MTARC1: variants seen among roughly 807,000 people sequenced by gnomAD.
MTARC1 encodes mitochondrial amidoxime-reducing component 1.
A neutral mutation model predicts 33.6 loss-of-function variants in MTARC1; 24 were observed. The ratio of observed to expected loss-of-function variants is 0.72; its 90% confidence interval spans 0.52 to 1.01. The LOEUF is 1.01. MTARC1 is among the 50% of genes least tolerant of loss of function. The pLI, the probability that MTARC1 is intolerant of heterozygous loss-of-function variation, is 0.00. For missense variants in MTARC1, 417 were observed against 445.7 expected, an observed-to-expected ratio of 0.94 and a Z score of 0.58; for synonymous variants, 187 against 189.5, an observed-to-expected ratio of 0.99 and a Z score of 0.11.
chr1:220,786,913 C>A lies in MTARC1; in HGVS notation c.-32C>A. 8.1e-7 allele frequency: 1 copy of A among 1,228,250 alleles called. No individual in the cohort carries two copies. Among genetic ancestry groups the A allele is most frequent in the Non-Finnish European group, 1.0e-6 (1 of 986,932 alleles). 76.1% of individuals were successfully genotyped at this position (1,228,250 alleles called of 1,614,324 possible). A position where few individuals can be genotyped will look rare whatever the true frequency, so the allele number is the denominator to read the frequency against. On this transcript the variant is annotated 5_prime_UTR_variant, in exon 1 of 7. Coordinates refer to ENST00000366910, the MANE Select transcript of MTARC1 (RefSeq NM_022746.4). ...CCCCGGGCGACCAGCGCGCTCCGGCCTTGCCGCCGCCACCTCGCGGAGAAG... is the reference window on the plus strand; with the variant it reads ...CCCCGGGCGACCAGCGCGCTCCGGCATTGCCGCCGCCACCTCGCGGAGAAG...
chr1:220,808,573 G>C (rs893633281), intron 6 of MTARC1, among the ~76,000 whole-genome samples: 4 of 152,216 alleles, frequency 2.6e-5, no homozygotes, highest in Non-Finnish European at 5.9e-5. Flanking sequence ...TGGGCAGGTT[G>C]CTCAGAGCTA....
chr1:220,787,409 G>A (rs898405266), intron 1 of MTARC1, among the ~76,000 whole-genome samples, 190 bp downstream of exon 1: 4 of 152,174 alleles, frequency 2.6e-5, no homozygotes, highest in Non-Finnish European at 5.9e-5. Context: ...AGACCCCAGG[G>A]CTCTGGGACT....
intron 4 of MTARC1, among the ~76,000 whole-genome samples, chr1:220,800,480 C>G (rs917400433): frequency 6.6e-6 from 1 of 152,226 alleles, no homozygotes; most frequent in Non-Finnish European, 1.5e-5. Context: ...GGGGACGTGA[C>G]TAACACCTGC....
rs564391359 is a variant in MTARC1 at position 220,817,982 on chromosome 1, T to A, written c.*4564T>A. ...AGTCCTATGGCCCTGACTCTATCTATGTCTGCACAAAGCACTACTGTGCTT... is the reference window on the plus strand; with the variant it reads ...AGTCCTATGGCCCTGACTCTATCTAAGTCTGCACAAAGCACTACTGTGCTT... On this transcript the variant is annotated 3_prime_UTR_variant, in exon 7 of 7. Transcript: ENST00000366910. 1 of 152,198 alleles carries A rather than the reference T, an allele frequency of 6.6e-6. No individual in the cohort carries two copies. The highest frequency in any genetic ancestry group is 2.4e-5 in the African/African-American group (1 of 41,442). 9.4% of individuals were successfully genotyped at this position (152,198 alleles called of 1,614,324 possible). A position where few individuals can be genotyped will look rare whatever the true frequency, so the allele number is the denominator to read the frequency against.
rs183692841 is a variant in MTARC1 at position 220,812,544 on chromosome 1, G to A, written c.888-748G>A. Among the ~76,000 whole-genome samples, 47 of 152,328 alleles carry A rather than the reference G, an allele frequency of 3.1e-4. No homozygotes were observed. The East Asian group carries it at 4.1e-3, about 13-fold the overall frequency. On this transcript the variant is annotated intron_variant, in intron 6 of 6. Transcript: ENST00000366910. ...CAAGTCAAATGATGTTGTACAGGAAGAACCTTGGAACTCGGCAGCTGCGGA... is the reference window on the plus strand; with the variant it reads ...CAAGTCAAATGATGTTGTACAGGAAAAACCTTGGAACTCGGCAGCTGCGGA...
At chr1:220,803,916 A>G (rs1366630287) in intron 4 of MTARC1, among the ~76,000 whole-genome samples, 3 of 152,166 alleles carry the variant, frequency 2.0e-5, no homozygotes, top group Non-Finnish European at 2.9e-5. Context: ...CTTGAGATCC[A>G]TTTTATGATT....
chr1:220,796,955 T>A (rs2270534), intron 3 of MTARC1, 150 bp downstream of exon 3: 10,220 of 832,714 alleles, frequency 0.012, 188 homozygotes, highest in East Asian at 0.053. Context: ...ATAAAGCCCT[T>A]CCCTTGGAAG....
intron 6 of MTARC1, chr1:220,808,883 C>T (rs1460357133): frequency 1.1e-5 from 5 of 470,964 alleles, no homozygotes; most frequent in Non-Finnish European, 2.2e-5. Context: ...ACACTGATCC[C>T]CATGGTTGAA....
At chr1:220,813,220 A>T (rs950346588) in intron 6 of MTARC1, 72 bp from the exon 7 acceptor site, 1 of 1,607,320 alleles carries the variant, frequency 6.2e-7, no homozygotes, top group African/African-American at 1.3e-5. Context: ...CCTGTGTGGG[A>T]TGGAAGCCAC....
chr1:220,797,074 A>G (rs1010146135), intron 3 of MTARC1, among the ~76,000 whole-genome samples: 1 of 152,156 alleles, frequency 6.6e-6, no homozygotes, highest in African/African-American at 2.4e-5. Context: ...ACTGTTCTGC[A>G]CCAGTGTCTT....
Position 220,787,063 on chromosome 1 carries a change from G to C in MTARC1, c.119G>C (p.Trp40Ser). 1 of 1,437,638 alleles carries C rather than the reference G, an allele frequency of 7.0e-7. No individual in the cohort carries two copies. Among genetic ancestry groups the C allele is most frequent in the Non-Finnish European group, 9.0e-7 (1 of 1,104,978 alleles). The allele number at this position is 1,437,638 out of a possible 1,614,324, so 89.1% of individuals were successfully genotyped here. A position where few individuals can be genotyped will look rare whatever the true frequency, so the allele number is the denominator to read the frequency against. The change falls in exon 1 of 7, where the codon TGG (tryptophan) becomes TCG (serine). Residue 40 changes from tryptophan (W) to serine (S), a missense_variant. Physicochemically the swap from Trp to Ser is radical, Grantham distance 177. Transcript: ENST00000366910. The stretch of plus-strand genomic sequence containing the variant: ...GCGGTGGCGCTGGGGGCTGTCGCCT[G>C]GCGCCGCGCATGGCCCACGCGGCGC... ...LTAVALGAVA[W>S]RRAWPTRRRR...
In MTARC1 at chr1:220,814,235, T is replaced by C. The variant is rs1401042043; in HGVS notation, c.*817T>C. The C allele has an allele frequency of 6.6e-6, 1 of 152,260 alleles. No homozygotes were observed. The highest frequency in any genetic ancestry group is 1.5e-5 in the Non-Finnish European group (1 of 68,052). The allele number at this position is 152,260 out of a possible 1,614,324, so 9.4% of individuals were successfully genotyped here. On this transcript the variant is annotated 3_prime_UTR_variant, in exon 7 of 7. Transcript: ENST00000366910. ...GGAAAAGGAAAGCATATGTCAGTTG[T>C]TTAAAACCCAATATCTATTTTTTAA...
At chr1:220,787,441 C>T (rs1489028577) in intron 1 of MTARC1, among the ~76,000 whole-genome samples, 2 of 152,164 alleles carry the variant, frequency 1.3e-5, no homozygotes, top group South Asian at 2.1e-4. Context: ...GACCCGTTTT[C>T]CCGGGGTGGG....
At chr1:220,810,660 T>C (rs886104986) in intron 6 of MTARC1, among the ~76,000 whole-genome samples, 14 of 149,560 alleles carry the variant, frequency 9.4e-5, no homozygotes, top group Non-Finnish European at 1.9e-4. Context: ...GGTGGGGGAG[T>C]GAGTGTGTCT....
chr1:220,807,169 C>T (rs1049204384), intron 6 of MTARC1, among the ~76,000 whole-genome samples: 2 of 151,928 alleles, frequency 1.3e-5, no homozygotes, highest in African/African-American at 4.8e-5. Flanking sequence ...GGTTTTTACT[C>T]TAGGTAATAA....
At chr1:220,798,516 T>A in intron 4 of MTARC1, 3 of 985,448 alleles carry the variant, frequency 3.0e-6, no homozygotes, top group Non-Finnish European at 3.6e-6. Flanking sequence ...TGCCCTCAGA[T>A]GTTTGCGTGG....
intron 6 of MTARC1, among the ~76,000 whole-genome samples, chr1:220,806,291 G>A (rs1165060072): frequency 1.3e-5 from 2 of 152,142 alleles, no homozygotes; most frequent in Admixed American, 6.5e-5. Flanking sequence ...CAGGTGTCAG[G>A]TCTCTTCTCT....
chr1:220,807,751 C>T (rs1673012963), intron 6 of MTARC1, among the ~76,000 whole-genome samples: 4 of 152,058 alleles, frequency 2.6e-5, no homozygotes, highest in Admixed American at 6.5e-5. Flanking sequence ...TGTGACAGAA[C>T]ATTGATGAGA....
chr1:220,813,281 T>C lies in MTARC1; in HGVS notation c.888-11T>C, dbSNP rs1673194597. The C allele has an allele frequency of 2.5e-6, 4 of 1,614,038 alleles. No individual in the cohort carries two copies. In the East Asian group the frequency reaches 8.9e-5, roughly 36 times the overall value. ...TTGGCTGTGACTCATCATGATCTTT[T>C]CCTATTGCAGTTATCGCCAGTGTGA... On this transcript the variant is annotated splice_polypyrimidine_tract_variant and intron_variant, in intron 6 of 6. Transcript: ENST00000366910.
Sources: allele counts gnomAD v4.1 joint callset (sites outside exome capture counted in the v4.1 genomes callset), GRCh38; gene constraint gnomAD v4.1.1; transcripts MANE v1.5; gene names NCBI Gene and HGNC (gene_info 2026-07-23, HGNC 2026-07-21).